PRKACB: variants seen among roughly 807,000 people sequenced by gnomAD.
PRKACB encodes protein kinase cAMP-activated catalytic subunit beta.
In PRKACB, 16 loss-of-function variants were observed where a neutral mutation model predicts 51.4. That is an observed-to-expected ratio of 0.31 (90% CI 0.21 to 0.47). PRKACB has a LOEUF of 0.47. Among genes scored for constraint, PRKACB ranks in the 20% least tolerant of loss-of-function variants. PRKACB has a pLI of 1.00. For synonymous variants in PRKACB, 147 were observed against 154.4 expected (o/e 0.95, Z 0.35); for missense variants, 309 against 464.5 (o/e 0.67, Z 3.08).
intron 9 of PRKACB, among the ~76,000 whole-genome samples, chr1:84,219,533 A>G (rs1357100341): frequency 6.6e-6 from 1 of 151,828 alleles, no homozygotes; most frequent in Non-Finnish European, 1.5e-5. Flanking sequence ...GACTAGACCA[A>G]TGTTCTAGAG....
intron 1 of PRKACB, among the ~76,000 whole-genome samples, chr1:84,156,071 C>T (rs1655460884): frequency 6.6e-6 from 1 of 152,114 alleles, no homozygotes; most frequent in Admixed American, 6.6e-5. Flanking sequence ...TCACTGCAGC[C>T]TTGTTCTCCT....
At chr1:84,085,512 GAAAAA>G (rs1647899789) in intron 1 of PRKACB, among the ~76,000 whole-genome samples, 1 of 152,034 alleles carries the variant, frequency 6.6e-6, no homozygotes, top group African/African-American at 2.4e-5. Context: ...TTTATTAAAA[GAAAAA>G]ATACACAGGA....
intron 7 of PRKACB, among the ~76,000 whole-genome samples, chr1:84,198,956 T>TGCG: frequency 6.8e-6 from 1 of 147,164 alleles, no homozygotes; most frequent in Non-Finnish European, 1.5e-5. Context: ...TACATATATA[T>TGCG]TCATATATAT....
chr1:84,199,114 T>C (rs575218531), intron 7 of PRKACB, among the ~76,000 whole-genome samples: 98 of 133,412 alleles, frequency 7.3e-4, no homozygotes, highest in African/African-American at 2.7e-3. Context: ...TGTATATATA[T>C]GCATATATAT....
intron 9 of PRKACB, among the ~76,000 whole-genome samples, chr1:84,220,322 C>G (rs1673511067): frequency 6.6e-6 from 1 of 151,910 alleles, no homozygotes; most frequent in African/African-American, 2.4e-5. Context: ...TGCACCTTTA[C>G]TTATTTTTTT....
intron 1 of PRKACB, chr1:84,085,701 A>G (rs1365400610): frequency 4.0e-5 from 8 of 198,684 alleles, no homozygotes; most frequent in Non-Finnish European, 2.1e-5. Context: ...TCAGGCAGGG[A>G]GGGCTGGGCT....
chr1:84,199,127 A>C (rs949093015), intron 7 of PRKACB, among the ~76,000 whole-genome samples: 4 of 142,862 alleles, frequency 2.8e-5, no homozygotes, highest in African/African-American at 1.0e-4. Flanking sequence ...ATATATATAT[A>C]TATATACACA....
At chr1:84,211,098 T>A (rs1207635353) in intron 8 of PRKACB, among the ~76,000 whole-genome samples, 4 of 147,544 alleles carry the variant, frequency 2.7e-5, no homozygotes, top group Non-Finnish European at 6.0e-5. Flanking sequence ...TTCTGATATC[T>A]GCTGTCACAA....
rs138786644 is a variant in PRKACB at position 84,206,739 on chromosome 1, G to T, written c.906+3934G>T. 4.6e-5 allele frequency among the ~76,000 whole-genome samples: 7 copies of T among 152,252 alleles called. No individual in the cohort carries two copies. The East Asian group carries it at 1.4e-3, about 29-fold the overall frequency. On this transcript the variant is annotated intron_variant, in intron 8 of 9. Coordinates refer to ENST00000370685, the MANE Select transcript of PRKACB (RefSeq NM_182948.4). ...TTGTTCAGAATAAACTATGTTGTTT[G>T]TACCAACAGTGTAGGCACAGTGAGC...
chr1:84,221,629 C>T (rs932788475), intron 9 of PRKACB, among the ~76,000 whole-genome samples: 3 of 151,940 alleles, frequency 2.0e-5, no homozygotes, highest in Non-Finnish European at 4.4e-5. Flanking sequence ...ATTGTGTTTT[C>T]ATTTTTCTTT....
chr1:84,204,120 A>T (rs961382310), intron 8 of PRKACB, among the ~76,000 whole-genome samples: 2 of 152,016 alleles, frequency 1.3e-5, no homozygotes, highest in African/African-American at 4.8e-5. Flanking sequence ...CACCTAGAAC[A>T]TACATTTCAG....
chr1:84,171,384 T>C (rs1441755981), intron 1 of PRKACB, among the ~76,000 whole-genome samples: 5 of 151,502 alleles, frequency 3.3e-5, no homozygotes, highest in African/African-American at 4.8e-5. Flanking sequence ...AAGTACTAAA[T>C]AGAACTATAC....
chr1:84,089,998 A>G (rs1467434873), intron 1 of PRKACB, among the ~76,000 whole-genome samples: 2 of 152,208 alleles, frequency 1.3e-5, no homozygotes, highest in African/African-American at 4.8e-5. Context: ...TGATAAACTC[A>G]GCTATGTGCT....
chr1:84,135,087 C>CA (rs2100567579), intron 1 of PRKACB, among the ~76,000 whole-genome samples: 1 of 152,022 alleles, frequency 6.6e-6, no homozygotes, highest in East Asian at 1.9e-4. Context: ...AAAGATATAC[C>CA]ATATAATCAC....
chr1:84,138,302 C>CA (rs1653030775), intron 1 of PRKACB, among the ~76,000 whole-genome samples: 1 of 151,950 alleles, frequency 6.6e-6, no homozygotes, highest in African/African-American at 2.4e-5. Flanking sequence ...TTCCCATGGT[C>CA]AAAATGGAAT....
upstream of PRKACB, chr1:84,144,249 C>T: frequency 6.6e-7 from 1 of 1,504,618 alleles, no homozygotes; most frequent in East Asian, 2.4e-5. Flanking sequence ...GGTTTGAATA[C>T]CCTGCAAACA....
chr1:84,087,371 A>G (rs1040846310), intron 1 of PRKACB, among the ~76,000 whole-genome samples: 4 of 152,192 alleles, frequency 2.6e-5, no homozygotes, highest in Non-Finnish European at 5.9e-5. Context: ...CCAAACTTAT[A>G]AAAGCTAGCT....
intron 9 of PRKACB, among the ~76,000 whole-genome samples, chr1:84,220,880 A>G (rs990643603): frequency 2.6e-5 from 4 of 152,062 alleles, no homozygotes; most frequent in Non-Finnish European, 5.9e-5. Flanking sequence ...TGTATTTCTC[A>G]GAGATGTTGG....
chr1:84,146,627 T>C (rs898170598), intron 1 of PRKACB, among the ~76,000 whole-genome samples: 4 of 152,000 alleles, frequency 2.6e-5, no homozygotes, highest in Admixed American at 2.6e-4. Context: ...CTCCTGATGA[T>C]AAACACTGAA....
Sources: allele counts gnomAD v4.1 joint callset (sites outside exome capture counted in the v4.1 genomes callset), GRCh38; gene constraint gnomAD v4.1.1; transcripts MANE v1.5; gene names NCBI Gene and HGNC (gene_info 2026-07-23, HGNC 2026-07-21).